Variants in PCDHGB2 observed in about 807,000 individuals in gnomAD.
The protein encoded by PCDHGB2 is protocadherin gamma-B2.
Under a neutral mutation model 59.3 loss-of-function variants are expected in PCDHGB2, and 55 were observed. The observed-to-expected ratio is 0.93, with a 90% confidence interval of 0.75 to 1.16. The LOEUF (loss-of-function observed/expected upper bound fraction) is 1.16, where lower values mean the gene tolerates loss of function less well. Among genes scored for constraint, PCDHGB2 ranks in the 50% most tolerant of loss-of-function variants. The pLI, the probability that PCDHGB2 is intolerant of heterozygous loss-of-function variation, is 0.00. For missense variants in PCDHGB2, 1,228 were observed against 1,198.5 expected (o/e 1.02, Z -0.36); for synonymous variants, 516 against 512.0 (o/e 1.01, Z -0.11).
At chr5:141,503,396 A>G (rs1025780031) in intron 2 of PCDHGB2, among the ~76,000 whole-genome samples, 2 of 151,944 alleles carry the variant, frequency 1.3e-5, no homozygotes, top group African/African-American at 2.4e-5. Flanking sequence ...GGAGTTCGAA[A>G]CCAACCTGGC....
chr5:141,486,869 C>G lies in PCDHGB2; in HGVS notation c.2422-7938C>G. On this transcript the variant is annotated intron_variant, in intron 1 of 3. Transcript: ENST00000522605. This position sits in a 1 kb window ranked among gnomAD's most constrained non-coding sequence, Gnocchi z 5.0. ...CCTCAATGACAATGCTCCAGCTGTG[C>G]TCCGTCCTCGGGCCCGGCCTGGTTC... The G allele has an allele frequency of 6.2e-7, 1 of 1,614,246 alleles. No homozygotes were observed. The highest frequency in any genetic ancestry group is 8.5e-7 in the Non-Finnish European group (1 of 1,180,042).
At chr5:141,430,405 A>T (rs1163049877) in intron 1 of PCDHGB2, among the ~76,000 whole-genome samples, 1 of 152,124 alleles carries the variant, frequency 6.6e-6, no homozygotes, top group Non-Finnish European at 1.5e-5. Flanking sequence ...AAGCTCACTA[A>T]AGTTTCTATT....
chr5:141,455,448 C>T (rs1403500578), intron 1 of PCDHGB2, among the ~76,000 whole-genome samples: 1 of 152,112 alleles, frequency 6.6e-6, no homozygotes, highest in African/African-American at 2.4e-5. Context: ...CCATCTACCG[C>T]GGATACCAGC....
chr5:141,490,923 C>T lies in PCDHGB2; in HGVS notation c.2422-3884C>T. The T allele has an allele frequency of 6.2e-7, 1 of 1,613,668 alleles. No homozygotes were observed. Among genetic ancestry groups the T allele is most frequent in the South Asian group, 1.1e-5 (1 of 91,050 alleles). On this transcript the variant is annotated intron_variant, in intron 1 of 3. Coordinates refer to ENST00000522605, the MANE Select transcript of PCDHGB2 (RefSeq NM_018923.3). The surrounding 1 kb of genome is among the most constrained non-coding windows in gnomAD (Gnocchi z 5.4). ...TTGTCCTAGACGAGAATGATAATGC[C>T]CCAGCTGTGCTGCACCCACGGCCAG...
chr5:141,410,142 G>A (rs2095361095), intron 1 of PCDHGB2: 3 of 1,612,612 alleles, frequency 1.9e-6, no homozygotes, highest in East Asian at 2.2e-5. Context: ...GTCGCTGTGC[G>A]TGACGGTGGA....
Position 141,374,382 on chromosome 5 carries a change from C to T in PCDHGB2, c.2421+11826C>T, listed in dbSNP as rs975173370. On this transcript the variant is annotated intron_variant, in intron 1 of 3. Coordinates refer to ENST00000522605, the MANE Select transcript of PCDHGB2 (RefSeq NM_018923.3). ...CGCGAGGAGCTCTGTGCTCAGAGCC[C>T]GCGGTGTCTGGTGAGTTTTAACATC... is the stretch of plus-strand genomic sequence containing the variant. 3.7e-6 allele frequency: 6 copies of T among 1,613,888 alleles called. No individual in the cohort carries two copies. The African/African-American group carries it at 6.7e-5, about 18-fold the overall frequency.
At chr5:141,369,364 A>G (rs1766184094) in intron 1 of PCDHGB2, among the ~76,000 whole-genome samples, 2 of 152,320 alleles carry the variant, frequency 1.3e-5, no homozygotes, top group African/African-American at 4.8e-5. Context: ...ATGAAAAAAC[A>G]TCCTTTGTAA....
At chr5:141,409,096 A>T (rs968537361) in intron 1 of PCDHGB2, 8 of 1,613,956 alleles carry the variant, frequency 5.0e-6, no homozygotes, top group African/African-American at 1.3e-5. Flanking sequence ...ATGAGAAAAC[A>T]GGTATGATTA....
chr5:141,372,040 G>T, intron 1 of PCDHGB2: 1 of 1,613,472 alleles, frequency 6.2e-7, no homozygotes, highest in Non-Finnish European at 8.5e-7. Flanking sequence ...GTGAGCCTGC[G>T]CGTGTTGGTG....
At position 141,431,321 on chromosome 5, in the gene PCDHGB2, G is replaced by T. The variant is rs112186927; in HGVS notation, c.2422-63486G>T. 1,258 of 1,614,054 alleles carry T rather than the reference G, an allele frequency of 7.8e-4. 11 individuals are homozygous for T. In the African/African-American group the frequency reaches 0.014, roughly 18 times the overall value. Reference sequence around the variant, plus strand: ...CCTCATCGTGCAAAATGGAGCCGACGGTAGTAAGTACCCCGAATTGGTGCT... The same window carrying T: ...CCTCATCGTGCAAAATGGAGCCGACTGTAGTAAGTACCCCGAATTGGTGCT... On this transcript the variant is annotated intron_variant, in intron 1 of 3. Transcript: ENST00000522605. This position sits in a 1 kb window ranked among gnomAD's most constrained non-coding sequence, Gnocchi z 4.8.
rs201857404 is a variant in PCDHGB2, at chr5:141,485,844, G to C, written c.2422-8963G>C. The C allele has an allele frequency of 1.1e-5, 18 of 1,613,772 alleles. No homozygotes were observed. The highest frequency in any genetic ancestry group is 1.4e-5 in the Non-Finnish European group (16 of 1,179,956). ...GATGGAGGGAACCCGCCGAGATCTG[G>C]CACCGCAGAGCTCCGGGTATCCGTG... is the stretch of plus-strand genomic sequence containing the variant. On this transcript the variant is annotated intron_variant, in intron 1 of 3. Transcript: ENST00000522605. This position sits in a 1 kb window ranked among gnomAD's most constrained non-coding sequence, Gnocchi z 5.7.
intron 1 of PCDHGB2, chr5:141,413,694 C>G (rs2095667651): frequency 1.2e-6 from 2 of 1,613,800 alleles, no homozygotes; most frequent in East Asian, 4.5e-5. Context: ...CCCTGCAGAG[C>G]TATCAGCTCA....
At chr5:141,497,855 C>T (rs1447484949) in intron 2 of PCDHGB2, among the ~76,000 whole-genome samples, 1 of 152,122 alleles carries the variant, frequency 6.6e-6, no homozygotes, top group Non-Finnish European at 1.5e-5. Flanking sequence ...ATTTTTGATT[C>T]AGCGGCTCCA....
intron 1 of PCDHGB2, chr5:141,388,021 T>G (rs933819691): frequency 6.9e-7 from 1 of 1,457,968 alleles, no homozygotes; most frequent in Non-Finnish European, 9.3e-7. Flanking sequence ...AAGGGCTCCG[T>G]AGTGGGGAAC....
chr5:141,388,056 G>A lies in PCDHGB2; in HGVS notation c.2421+25500G>A, dbSNP rs1192724751. 2.2e-6 allele frequency: 3 copies of A among 1,386,286 alleles called. No individual in the cohort carries two copies. In the Admixed American group the frequency reaches 6.2e-5, roughly 29 times the overall value. 85.9% of individuals were successfully genotyped at this position (1,386,286 alleles called of 1,614,324 possible). A position where few individuals can be genotyped will look rare whatever the true frequency, so the allele number is the denominator to read the frequency against. On this transcript the variant is annotated intron_variant, in intron 1 of 3. Coordinates refer to ENST00000522605, the MANE Select transcript of PCDHGB2 (RefSeq NM_018923.3). ...CCTCGCCACGGACCTGGGGTTCAGC[G>A]TCCAGGAGTTACCGACTCGAAAACT...
chr5:141,370,215 C>T (rs1430823989), intron 1 of PCDHGB2: 3 of 566,618 alleles, frequency 5.3e-6, no homozygotes, highest in East Asian at 5.9e-5. Flanking sequence ...TTGGCTCCTC[C>T]CGCTGCAGCC....
Position 141,491,869 on chromosome 5 carries a change from G to A in PCDHGB2, c.2422-2938G>A. On this transcript the variant is annotated intron_variant, in intron 1 of 3. Transcript: ENST00000522605. The surrounding 1 kb of genome is among the most constrained non-coding windows in gnomAD (Gnocchi z 6.9). ...GGACCGTTTGCGCGAAACCAGAGTG[G>A]CCGATTAAGGGATGGGGCTCCGAGC... The A allele has an allele frequency of 6.9e-7, 1 of 1,453,094 alleles. No individual in the cohort carries two copies. Among genetic ancestry groups the A allele is most frequent in the Non-Finnish European group, 9.1e-7 (1 of 1,099,380 alleles). 90.0% of individuals were successfully genotyped at this position (1,453,094 alleles called of 1,614,324 possible).
At chr5:141,501,628 C>T (rs1217355708) in intron 2 of PCDHGB2, among the ~76,000 whole-genome samples, 1 of 152,112 alleles carries the variant, frequency 6.6e-6, no homozygotes, top group Non-Finnish European at 1.5e-5. Flanking sequence ...TATAGTCTCT[C>T]AACCTCTCTG....
intron 2 of PCDHGB2, 62 bp downstream of exon 2, chr5:141,494,927 G>C: frequency 6.2e-7 from 1 of 1,613,516 alleles, no homozygotes; most frequent in Non-Finnish European, 8.5e-7. Context: ...GATGACGTGG[G>C]AGGAGATGGG....
Sources: allele counts gnomAD v4.1 joint callset (sites outside exome capture counted in the v4.1 genomes callset), GRCh38; gene constraint gnomAD v4.1.1; non-coding constraint Gnocchi (gnomAD v3.1); transcripts MANE v1.5; gene names NCBI Gene and HGNC (gene_info 2026-07-23, HGNC 2026-07-21).